Variants in ZNF324B observed in about 807,000 individuals in gnomAD.
ZNF324B encodes zinc finger protein 324B.
ZNF324B carries 7 observed loss-of-function variants against 10.6 expected under a neutral mutation model. The observed-to-expected ratio is 0.66, with a 90% confidence interval of 0.38 to 1.24. The LOEUF is 1.24. Among genes scored for constraint, ZNF324B ranks in the 50% most tolerant of loss-of-function variants. The pLI, the probability that ZNF324B is intolerant of heterozygous loss-of-function variation, is 0.02. For missense variants in ZNF324B, 640 were observed against 764.7 expected (o/e 0.84, Z 1.92); for synonymous variants, 316 against 321.0 (o/e 0.98, Z 0.17).
At chr19:58,428,297 GT>G in the ZNF324B span, among the ~76,000 whole-genome samples, 1 of 152,192 alleles carries the variant, frequency 6.6e-6, no homozygotes, top group Non-Finnish European at 1.5e-5. Flanking sequence ...CCAACCTATA[GT>G]TTTGGTGAAC....
the ZNF324B span, among the ~76,000 whole-genome samples, chr19:58,425,753 G>C: frequency 6.6e-6 from 1 of 152,194 alleles, no homozygotes; most frequent in East Asian, 1.9e-4. Context: ...TTACAGGCAT[G>C]AGCCACCATG....
upstream of ZNF324B, among the ~76,000 whole-genome samples, chr19:58,451,388 C>T (rs1215143632): frequency 6.6e-6 from 1 of 152,268 alleles, no homozygotes; most frequent in African/African-American, 2.4e-5. Flanking sequence ...GGACAACCTG[C>T]CGGGCGACTC....
the ZNF324B span, chr19:58,430,832 G>C: frequency 6.6e-6 from 1 of 152,222 alleles, no homozygotes; most frequent in Non-Finnish European, 1.5e-5. Flanking sequence ...TGCTCTTGAA[G>C]GGCTTCTCCC....
At position 58,455,057 on chromosome 19, in the gene ZNF324B, C is replaced by T. The variant is rs1409820375; in HGVS notation, c.239-126C>T. On this transcript the variant is annotated intron_variant, in intron 3 of 3. Transcript: ENST00000336614. This position sits in a 1 kb window ranked among gnomAD's most constrained non-coding sequence, Gnocchi z 7.0. The stretch of plus-strand genomic sequence containing the variant: ...CCCCAGCCCCTCCTGCAGAGCCAGC[C>T]TCACCTCTTCTTTTTCCCTAAGCTT... 2 of 1,325,968 alleles carry T rather than the reference C, an allele frequency of 1.5e-6. No homozygotes were observed. Among genetic ancestry groups the T allele is most frequent in the Non-Finnish European group, 1.1e-6 (1 of 925,596 alleles). The allele number at this position is 1,325,968 out of a possible 1,614,324, so 82.1% of individuals were successfully genotyped here.
At chr19:58,448,149 T>C (rs1193926353), upstream of ZNF324B, among the ~76,000 whole-genome samples, 1 of 152,198 alleles carries the variant, frequency 6.6e-6, no homozygotes, top group African/African-American at 2.4e-5. Context: ...GAGGCAACTT[T>C]GGAATTGGGT....
At chr19:58,434,549 C>A in the ZNF324B span, 1 of 1,614,022 alleles carries the variant, frequency 6.2e-7, no homozygotes. Context: ...TGACTAAAGG[C>A]CTTCCCACAC....
the ZNF324B span, chr19:58,439,882 C>T: frequency 5.3e-6 from 8 of 1,504,656 alleles, no homozygotes; most frequent in African/African-American, 1.4e-5. Flanking sequence ...CGCTGGGTGA[C>T]GGTCGCACTC....
the ZNF324B span, among the ~76,000 whole-genome samples, chr19:58,420,974 G>A: frequency 2.0e-5 from 3 of 150,976 alleles, no homozygotes; most frequent in Admixed American, 6.7e-5. Context: ...AAAGTGCTGG[G>A]ATTACCGGCG....
chr19:58,427,381 T>TC, the ZNF324B span, among the ~76,000 whole-genome samples: 1,480 of 50,568 alleles, frequency 0.029, 17 homozygotes, highest in South Asian at 0.04. Context: ...TTTCTTTCTT[T>TC]CTTTCTTTCT....
chr19:58,437,755 G>A, the ZNF324B span: 1 of 985,336 alleles, frequency 1.0e-6, no homozygotes, highest in Non-Finnish European at 1.2e-6. Flanking sequence ...TCCATTCCTG[G>A]TCCAAGCCAG....
chr19:58,432,222 T>A, the ZNF324B span: 1 of 474,458 alleles, frequency 2.1e-6, no homozygotes, highest in South Asian at 1.6e-5. Context: ...AGCTCCCAGT[T>A]CCTACCTGGG....
chr19:58,456,433 T>C lies in ZNF324B; in HGVS notation c.1489T>C (p.Leu497=), dbSNP rs904000546. The change falls in exon 4 of 4, where the codon TTG becomes CTG. Residue 497 remains leucine (L), a synonymous_variant. Coordinates refer to ENST00000336614, the MANE Select transcript of ZNF324B (RefSeq NM_207395.3). The surrounding 1 kb of genome is among the most constrained non-coding windows in gnomAD (Gnocchi z 4.7). ...GRAFRERPAL[L]HHQRIHTTEK... is the part of the protein sequence containing the mutation. The stretch of plus-strand genomic sequence containing the variant: ...CGCCTTCCGTGAGCGCCCTGCCCTC[T>C]TGCACCACCAGAGGATCCACACCAC... The C allele has an allele frequency of 6.2e-7, 1 of 1,611,924 alleles. No homozygotes were observed. The highest frequency in any genetic ancestry group is 8.5e-7 in the Non-Finnish European group (1 of 1,179,318).
At chr19:58,418,846 G>T in the ZNF324B span, 1 of 152,252 alleles carries the variant, frequency 6.6e-6, no homozygotes, top group South Asian at 2.1e-4. Context: ...TTTGCCTCAA[G>T]CAGTCCTCTT....
chr19:58,434,094 C>A, the ZNF324B span: 1 of 1,614,086 alleles, frequency 6.2e-7, no homozygotes, highest in Non-Finnish European at 8.5e-7. Flanking sequence ...TGTGAACTTT[C>A]TGGTGCTGAG....
At chr19:58,446,979 CTCTT>C (rs547505108), upstream of ZNF324B, among the ~76,000 whole-genome samples, 15 of 144,836 alleles carry the variant, frequency 1.0e-4, no homozygotes, top group South Asian at 2.7e-3. Flanking sequence ...TTTCTTTTCT[CTCTT>C]TCTTTTTTTT....
chr19:58,439,629 G>T, the ZNF324B span: 2 of 997,156 alleles, frequency 2.0e-6, no homozygotes, highest in Non-Finnish European at 2.8e-6. Context: ...CCAGGGCAGG[G>T]CCCAGGACCC....
chr19:58,421,280 T>A, the ZNF324B span, among the ~76,000 whole-genome samples: 128 of 152,278 alleles, frequency 8.4e-4, no homozygotes, highest in African/African-American at 3.0e-3. Flanking sequence ...GGAATTATCT[T>A]CATTTTCCAT....
chr19:58,446,468 A>G, the ZNF324B span, among the ~76,000 whole-genome samples: 1 of 151,004 alleles, frequency 6.6e-6, no homozygotes, highest in South Asian at 2.1e-4. Context: ...GAGGGATGGT[A>G]GGGGCCTTGC....
At chr19:58,434,989 C>G in the ZNF324B span, 1 of 1,614,168 alleles carries the variant, frequency 6.2e-7, no homozygotes, top group Non-Finnish European at 8.5e-7. Context: ...TGCATTCAAC[C>G]AAAAGTCTCT....
Sources: gnomAD v4.1 joint callset for allele counts (sites outside exome capture counted in the v4.1 genomes callset) on GRCh38, gnomAD v4.1.1 for gene constraint, Gnocchi (gnomAD v3.1) non-coding constraint, MANE v1.5 for transcripts, NCBI Gene and HGNC (gene_info 2026-07-23, HGNC 2026-07-21) for gene names.